The following MDGA2 variants were observed in gnomAD, a reference collection of about 807,000 sequenced individuals.
MDGA2 encodes MAM domain containing glycosylphosphatidylinositol anchor 2, also known as MAM domain-containing glycosylphosphatidylinositol anchor protein 2.
MDGA2 carries 40 observed loss-of-function variants against 117.8 expected under a neutral mutation model. The observed-to-expected ratio is 0.34, with a 90% CI of 0.26 to 0.44. MDGA2 has a LOEUF of 0.44. Ranked by LOEUF, MDGA2 falls within the 20% of genes least tolerant of loss-of-function variation. MDGA2 has a pLI of 1.00. For missense variants in MDGA2, 1,123 were observed against 1,250.6 expected (o/e 0.90, Z 1.54); for synonymous variants, 452 against 439.0 (o/e 1.03, Z -0.37).
At chr14:47,118,739 ACAT>A (rs1306244789) in intron 5 of MDGA2, among the ~76,000 whole-genome samples, 6 of 151,886 alleles carry the variant, frequency 4.0e-5, no homozygotes, top group Non-Finnish European at 5.9e-5. Context: ...AAAAACAACA[ACAT>A]CAACAACAAA....
At chr14:47,329,703 G>C (rs1452744315) in intron 1 of MDGA2, among the ~76,000 whole-genome samples, 1 of 151,922 alleles carries the variant, frequency 6.6e-6, no homozygotes, top group Non-Finnish European at 1.5e-5. Context: ...AAAATGCCAG[G>C]TGTTGACTAT....
chr14:47,384,717 C>A (rs1891718349), intron 1 of MDGA2, among the ~76,000 whole-genome samples: 1 of 152,112 alleles, frequency 6.6e-6, no homozygotes, highest in Non-Finnish European at 1.5e-5. Flanking sequence ...GTGGCTCCAT[C>A]CCACCTGATA....
At chr14:47,180,942 AAAAC>A (rs1023223807) in intron 3 of MDGA2, among the ~76,000 whole-genome samples, 1 of 152,140 alleles carries the variant, frequency 6.6e-6, no homozygotes, top group African/African-American at 2.4e-5. Flanking sequence ...ACAAAAAAAT[AAAAC>A]AAACAAAAAC....
intron 2 of MDGA2, among the ~76,000 whole-genome samples, chr14:47,262,203 C>T (rs1235295346): frequency 1.3e-5 from 2 of 152,060 alleles, no homozygotes; most frequent in Non-Finnish European, 2.9e-5. Flanking sequence ...CCTATATAGC[C>T]CTATCAATAC....
chr14:47,437,859 G>C (rs1465340534), intron 1 of MDGA2, among the ~76,000 whole-genome samples: 1 of 152,132 alleles, frequency 6.6e-6, no homozygotes, highest in Non-Finnish European at 1.5e-5. Flanking sequence ...ATGAGCTCTA[G>C]CACTAGTTTA....
intron 1 of MDGA2, among the ~76,000 whole-genome samples, chr14:47,392,440 T>C (rs1227924241): frequency 6.6e-6 from 1 of 152,174 alleles, no homozygotes; most frequent in Non-Finnish European, 1.5e-5. Flanking sequence ...ATGTTTATTA[T>C]AATACAGACT....
At chr14:47,170,354 T>C (rs919856515) in intron 3 of MDGA2, among the ~76,000 whole-genome samples, 1 of 152,158 alleles carries the variant, frequency 6.6e-6, no homozygotes, top group African/African-American at 2.4e-5. Flanking sequence ...TAATAACAAA[T>C]AATGCTAAAT....
At chr14:47,301,679 G>T (rs1009354105) in intron 1 of MDGA2, 129 bp from the exon 2 acceptor site, 1 of 904,370 alleles carries the variant, frequency 1.1e-6, no homozygotes, top group Non-Finnish European at 1.7e-6. Flanking sequence ...AGATTCATCA[G>T]TCTTAACACC....
intron 6 of MDGA2, among the ~76,000 whole-genome samples, chr14:47,088,210 AATG>A (rs1191464210): frequency 6.6e-6 from 1 of 152,296 alleles, no homozygotes; most frequent in South Asian, 2.1e-4. Flanking sequence ...AGAACTACTG[AATG>A]ATAATTTTTA....
chr14:46,846,960 T>C (rs1880865264), intron 15 of MDGA2, among the ~76,000 whole-genome samples: 1 of 152,142 alleles, frequency 6.6e-6, no homozygotes, highest in African/African-American at 2.4e-5. Flanking sequence ...GTTTTTGTTT[T>C]TGTTTTTATT....
intron 5 of MDGA2, among the ~76,000 whole-genome samples, chr14:47,126,629 C>T (rs566767009): frequency 2.0e-5 from 3 of 152,066 alleles, no homozygotes; most frequent in South Asian, 2.1e-4. Flanking sequence ...CACTGCCTTT[C>T]GAAGCAGTTC....
intron 3 of MDGA2, among the ~76,000 whole-genome samples, chr14:47,150,795 A>C (rs1354787114): frequency 6.6e-6 from 1 of 151,936 alleles, no homozygotes; most frequent in Non-Finnish European, 1.5e-5. Context: ...ATGGTGGTGC[A>C]TGCCTGTAAT....
chr14:46,971,845 A>T (rs1229067483), intron 8 of MDGA2, among the ~76,000 whole-genome samples: 6 of 152,160 alleles, frequency 3.9e-5, no homozygotes, highest in Non-Finnish European at 1.5e-5. Context: ...CATGTAACAC[A>T]TCCTCACATG....
At chr14:47,512,368 A>G (rs1894659639) in intron 1 of MDGA2, among the ~76,000 whole-genome samples, 1 of 152,168 alleles carries the variant, frequency 6.6e-6, no homozygotes, top group Admixed American at 6.5e-5. Flanking sequence ...TTGGGTATAC[A>G]TGATAATTTC....
chr14:47,280,085 T>C (rs1015711538), intron 2 of MDGA2, among the ~76,000 whole-genome samples: 4 of 151,088 alleles, frequency 2.6e-5, no homozygotes, highest in Non-Finnish European at 1.5e-5. Flanking sequence ...GAGGCCGAGG[T>C]GGGCAGATCA....
intron 1 of MDGA2, among the ~76,000 whole-genome samples, chr14:47,446,759 G>A (rs553299424): frequency 6.6e-6 from 1 of 152,114 alleles, no homozygotes; most frequent in South Asian, 2.1e-4. Flanking sequence ...CTAAGCCAGG[G>A]TATGTGGATG....
intron 9 of MDGA2, among the ~76,000 whole-genome samples, chr14:46,941,759 T>G (rs1296094956): frequency 6.6e-6 from 1 of 152,198 alleles, no homozygotes; most frequent in Non-Finnish European, 1.5e-5. Context: ...CTTTGTTCTA[T>G]TCTTCTCTGG....
chr14:46,875,644 G>A (rs936829556), intron 12 of MDGA2, among the ~76,000 whole-genome samples: 1 of 151,654 alleles, frequency 6.6e-6, no homozygotes, highest in East Asian at 1.9e-4. Flanking sequence ...GTGTAGCAGT[G>A]TATGCATTTA....
rs141182274 is a variant in MDGA2, at chr14:47,088,884, T to G, written c.1195+7970A>C. On this transcript the variant is annotated intron_variant, in intron 6 of 16. Coordinates refer to ENST00000399232, the MANE Select transcript of MDGA2 (RefSeq NM_001113498.3). Reference sequence around the variant, plus strand: ...GTGACAGTCAGTTCTATCAAGTCCTTCAAAATATAATGATATTTAGAAAAT... The same window carrying G: ...GTGACAGTCAGTTCTATCAAGTCCTGCAAAATATAATGATATTTAGAAAAT... 6.6e-3 allele frequency among the ~76,000 whole-genome samples: 1,010 copies of G among 152,308 alleles called. 5 individuals carry two copies. The highest frequency in any genetic ancestry group is 0.011 in the Non-Finnish European group (734 of 68,016).
Sources: gnomAD v4.1 joint callset for allele counts (sites outside exome capture counted in the v4.1 genomes callset) on GRCh38, gnomAD v4.1.1 for gene constraint, MANE v1.5 for transcripts, NCBI Gene and HGNC (gene_info 2026-07-23, HGNC 2026-07-21) for gene names.